Variants in EFCAB11 observed in about 807,000 individuals in gnomAD.
EFCAB11 encodes the protein EF-hand calcium binding domain 11.
EFCAB11 carries 14 observed loss-of-function variants against 23.0 expected under a neutral mutation model. The ratio of observed to expected loss-of-function variants is 0.61; its 90% confidence interval spans 0.40 to 0.95. The LOEUF is 0.95. Among genes scored for constraint, EFCAB11 ranks in the 40% least tolerant of loss-of-function variants. The pLI, the probability that EFCAB11 is intolerant of heterozygous loss-of-function variation, is 0.00. For synonymous variants in EFCAB11, 65 were observed against 66.6 expected, an observed-to-expected ratio of 0.98 and a Z score of 0.11; for missense variants, 198 against 195.8, an observed-to-expected ratio of 1.01 and a Z score of -0.07.
intron 5 of EFCAB11, among the ~76,000 whole-genome samples, chr14:89,843,923 A>C (rs555038940): frequency 1.3e-5 from 2 of 152,252 alleles, no homozygotes; most frequent in Non-Finnish European, 2.9e-5. Flanking sequence ...CAAATTCTAA[A>C]TTTCACTTGA....
At chr14:89,940,138 TAATTA>T (rs1443064404) in intron 3 of EFCAB11, among the ~76,000 whole-genome samples, 1 of 152,226 alleles carries the variant, frequency 6.6e-6, no homozygotes, top group East Asian at 1.9e-4. Flanking sequence ...TCTAAATGGG[TAATTA>T]AATAAACATG....
intron 5 of EFCAB11, among the ~76,000 whole-genome samples, chr14:89,852,688 C>T (rs1022355633): frequency 1.3e-5 from 2 of 152,144 alleles, no homozygotes; most frequent in African/African-American, 4.8e-5. Context: ...ATGTTTTATT[C>T]CTCGCACACC....
chr14:89,839,434 T>C (rs962939888), intron 5 of EFCAB11, among the ~76,000 whole-genome samples: 1 of 151,938 alleles, frequency 6.6e-6, no homozygotes. Context: ...CATTAGCTGG[T>C]GTTGAGGTTG....
chr14:89,916,370 C>T (rs1295640302), intron 5 of EFCAB11, among the ~76,000 whole-genome samples: 1 of 152,150 alleles, frequency 6.6e-6, no homozygotes, highest in African/African-American at 2.4e-5. Context: ...TCAAATTTGA[C>T]TCTGATGGCA....
intron 5 of EFCAB11, chr14:89,892,517 C>G (rs1596435308): frequency 7.5e-6 from 9 of 1,204,034 alleles, no homozygotes; most frequent in Non-Finnish European, 9.2e-6. Context: ...TAGTATCTCT[C>G]TGGAGGACAA....
chr14:89,862,013 C>T (rs182457029), intron 5 of EFCAB11, among the ~76,000 whole-genome samples: 1 of 152,326 alleles, frequency 6.6e-6, no homozygotes, highest in East Asian at 1.9e-4. Context: ...ATGAATCTTT[C>T]CTTACCTAAT....
intron 5 of EFCAB11, among the ~76,000 whole-genome samples, chr14:89,844,521 G>A (rs1261140041): frequency 6.6e-6 from 1 of 152,194 alleles, no homozygotes; most frequent in Non-Finnish European, 1.5e-5. Context: ...CTGCTGGGTG[G>A]ATGAATGAAT....
In EFCAB11 at chr14:89,809,701, C is replaced by T. The variant is rs78007150; in HGVS notation, c.411-12377G>A. 9.3e-3 allele frequency among the ~76,000 whole-genome samples: 1,410 copies of T among 152,304 alleles called. 19 individuals are homozygous for T. The highest frequency in any genetic ancestry group is 0.032 in the African/African-American group (1,331 of 41,570). ...CTAAGTGAATTTATGTTGGAGACAA[C>T]TCGGCATTTTTAGTTCTTAGAAGTG... On this transcript the variant is annotated intron_variant, in intron 5 of 5. Transcript: ENST00000316738.
At chr14:89,874,351 G>C (rs566927691) in intron 5 of EFCAB11, among the ~76,000 whole-genome samples, 1 of 152,314 alleles carries the variant, frequency 6.6e-6, no homozygotes, top group African/African-American at 2.4e-5. Context: ...GCGATGGGAG[G>C]GGCTGGCATA....
chr14:89,952,087 T>C (rs140162295), intron 2 of EFCAB11, among the ~76,000 whole-genome samples: 11 of 152,264 alleles, frequency 7.2e-5, no homozygotes, highest in Non-Finnish European at 1.3e-4. Context: ...TCTAAAAAAA[T>C]CTGTTGAATT....
At chr14:89,838,191 C>T (rs188998297) in intron 5 of EFCAB11, among the ~76,000 whole-genome samples, 20 of 151,828 alleles carry the variant, frequency 1.3e-4, no homozygotes, top group African/African-American at 4.1e-4. Context: ...GATTCATATC[C>T]GAGGAAATAT....
At chr14:89,864,510 G>C (rs1888026933) in intron 5 of EFCAB11, among the ~76,000 whole-genome samples, 1 of 151,684 alleles carries the variant, frequency 6.6e-6, no homozygotes, top group South Asian at 2.1e-4. Flanking sequence ...CTGCAGCCTT[G>C]ACCTCCTGGG....
At chr14:89,873,529 CTCA>C (rs1171338894) in intron 5 of EFCAB11, among the ~76,000 whole-genome samples, 2 of 152,162 alleles carry the variant, frequency 1.3e-5, no homozygotes, top group Non-Finnish European at 2.9e-5. Context: ...AGTCCAAAGT[CTCA>C]TCTGAGATAA....
At chr14:89,835,433 A>G (rs7147081) in intron 5 of EFCAB11, among the ~76,000 whole-genome samples, 94,674 of 151,824 alleles carry the variant, frequency 0.62, 31,934 homozygotes, top group Non-Finnish European at 0.77. Flanking sequence ...ATTTTATATA[A>G]TATTTTCAAC....
chr14:89,953,589 T>C (rs990311587), intron 2 of EFCAB11, among the ~76,000 whole-genome samples: 15 of 152,332 alleles, frequency 9.8e-5, no homozygotes, highest in African/African-American at 2.9e-4. Context: ...GACTATGTCA[T>C]GTCCTATGTA....
At chr14:89,891,359 CAG>C (rs1026592092) in intron 5 of EFCAB11, among the ~76,000 whole-genome samples, 33 of 152,260 alleles carry the variant, frequency 2.2e-4, no homozygotes, top group African/African-American at 5.3e-4. Flanking sequence ...TAAGATGTAA[CAG>C]AGGATTTTAA....
chr14:89,799,834 C>G (rs1004646323), intron 5 of EFCAB11, among the ~76,000 whole-genome samples: 1 of 151,906 alleles, frequency 6.6e-6, no homozygotes, highest in Admixed American at 6.6e-5. Context: ...CTATTACCTC[C>G]CAGGAGGTAC....
chr14:89,843,945 T>A (rs1887349592), intron 5 of EFCAB11, among the ~76,000 whole-genome samples: 1 of 152,228 alleles, frequency 6.6e-6, no homozygotes. Flanking sequence ...AGCTTGAATT[T>A]TATCATTGGC....
chr14:89,827,030 A>C (rs2140108884), intron 5 of EFCAB11, among the ~76,000 whole-genome samples: 1 of 152,346 alleles, frequency 6.6e-6, no homozygotes, highest in Admixed American at 6.5e-5. Flanking sequence ...TCGGTTAGAA[A>C]ATCAGAAACC....
Sources: allele counts gnomAD v4.1 joint callset (sites outside exome capture counted in the v4.1 genomes callset), GRCh38; gene constraint gnomAD v4.1.1; transcripts MANE v1.5; gene names NCBI Gene and HGNC (gene_info 2026-07-23, HGNC 2026-07-21).